FOXP2: variants seen among roughly 807,000 people sequenced by gnomAD.
FOXP2 encodes the protein forkhead box protein P2.
Under a neutral mutation model 115.8 loss-of-function variants are expected in FOXP2, and 12 were observed. The ratio of observed to expected loss-of-function variants is 0.10; its 90% CI spans 0.07 to 0.17. FOXP2 has a LOEUF of 0.17. FOXP2 is among the 10% of genes least tolerant of loss of function. The pLI, the probability that FOXP2 is intolerant of heterozygous loss-of-function variation, is 1.00. For missense variants in FOXP2, 629 were observed against 843.5 expected, an observed-to-expected ratio of 0.75 and a Z score of 3.15; for synonymous variants, 328 against 297.7, an observed-to-expected ratio of 1.10 and a Z score of -1.05.
chr7:114,210,241 A>G (rs933666354), intron 1 of FOXP2, among the ~76,000 whole-genome samples: 2 of 152,076 alleles, frequency 1.3e-5, no homozygotes, highest in Non-Finnish European at 2.9e-5. Context: ...GTGTTTTTGC[A>G]TCGATTCTTT....
At chr7:114,495,083 A>G (rs904986807) in intron 2 of FOXP2, among the ~76,000 whole-genome samples, 1 of 152,198 alleles carries the variant, frequency 6.6e-6, no homozygotes, top group South Asian at 2.1e-4. Flanking sequence ...GAAAGTTTTC[A>G]TTTCTTACTT....
At chr7:114,245,458 T>C (rs1795257910) in intron 1 of FOXP2, among the ~76,000 whole-genome samples, 1 of 152,218 alleles carries the variant, frequency 6.6e-6, no homozygotes, top group African/African-American at 2.4e-5. Context: ...CCTCACATAC[T>C]TTCACAAAAC....
chr7:114,140,919 A>G lies in FOXP2; in HGVS notation c.-246-22025A>G, dbSNP rs969931595. Among the ~76,000 whole-genome samples the G allele has an allele frequency of 1.4e-4, 22 of 152,166 alleles. 1 individual carries two copies. The highest frequency in any genetic ancestry group is 1.2e-3 in the Admixed American group (18 of 15,282). On this transcript the variant is annotated intron_variant, in intron 1 of 19. Transcript: ENST00000635638. ...TTTCAACCAGATGTACCTTGTTCCT[A>G]CATCAACTTGTGTAAGACTTTGCAA... is the stretch of plus-strand genomic sequence containing the variant.
Position 114,689,831 on chromosome 7 carries a change from T to G in FOXP2, c.2053T>G (p.Cys685Gly). ...EEPVIAEDED[C>G]PMSLVTTANH... Reference sequence around the variant, plus strand: ...GCCAGTGATTGCAGAGGATGAAGACTGCCCAATGTCCTTAGTGACAACAGC... The same window carrying G: ...GCCAGTGATTGCAGAGGATGAAGACGGCCCAATGTCCTTAGTGACAACAGC... Residue 685 changes from cysteine (C) to glycine (G), a missense_variant, in exon 17 of 17, where the codon TGC becomes GGC. This residue lies in a region of FOXP2 where 117 missense variants were observed against 112.3 expected (regional missense o/e 1.04). Coordinates refer to ENST00000350908, the MANE Select transcript of FOXP2 (RefSeq NM_014491.4). The G allele has an allele frequency of 6.2e-7, 1 of 1,613,560 alleles. No homozygotes were observed. Among genetic ancestry groups the G allele is most frequent in the Non-Finnish European group, 8.5e-7 (1 of 1,179,602 alleles).
intron 1 of FOXP2, among the ~76,000 whole-genome samples, chr7:114,122,484 A>G (rs1791593135): frequency 1.3e-5 from 2 of 148,658 alleles, no homozygotes; most frequent in South Asian, 4.3e-4. Context: ...ACTGCGTAGG[A>G]TAGATACTGT....
At position 114,236,374 on chromosome 7, in the gene FOXP2, A is replaced by T. The variant is rs111431481; in HGVS notation, c.-101-51645A>T. Among the ~76,000 whole-genome samples, 838 of 152,246 alleles carry T rather than the reference A, an allele frequency of 5.5e-3. 9 individuals are homozygous for T. Among genetic ancestry groups the T allele is most frequent in the African/African-American group, 0.018 (762 of 41,566 alleles). On this transcript the variant is annotated intron_variant, in intron 1 of 17. Transcript: ENST00000634411. ...ATTCATTTATAATAGTGGATGGAGG[A>T]TTATCTTAATTCTAAACATATAAAG...
chr7:114,183,974 A>T (rs1489489595), intron 1 of FOXP2, among the ~76,000 whole-genome samples: 3 of 152,152 alleles, frequency 2.0e-5, no homozygotes, highest in African/African-American at 7.2e-5. Flanking sequence ...TGAATATTGG[A>T]ATTAACTGTT....
chr7:114,287,845 G>C (rs1045493409), intron 1 of FOXP2, among the ~76,000 whole-genome samples: 1 of 151,812 alleles, frequency 6.6e-6, no homozygotes, highest in Non-Finnish European at 1.5e-5. Context: ...TTAAAATGTA[G>C]AAAAAGCATT....
At chr7:114,128,592 G>A (rs373686109) in intron 1 of FOXP2, among the ~76,000 whole-genome samples, 15 of 151,632 alleles carry the variant, frequency 9.9e-5, no homozygotes, top group African/African-American at 3.6e-4. Context: ...TAACTCACTA[G>A]TCTGGGATCA....
chr7:114,512,275 C>T (rs1245892456), intron 2 of FOXP2, among the ~76,000 whole-genome samples: 1 of 152,202 alleles, frequency 6.6e-6, no homozygotes, highest in Non-Finnish European at 1.5e-5. Flanking sequence ...AACAGGCAGT[C>T]CCTCATTTCT....
chr7:114,142,160 T>C (rs561353213), intron 1 of FOXP2, among the ~76,000 whole-genome samples: 1 of 152,174 alleles, frequency 6.6e-6, no homozygotes, highest in Non-Finnish European at 1.5e-5. Context: ...GTAGCTGGGA[T>C]TACAGGTGCC....
chr7:114,595,391 A>T (rs542848070), intron 3 of FOXP2, among the ~76,000 whole-genome samples: 2 of 152,186 alleles, frequency 1.3e-5, no homozygotes, highest in African/African-American at 4.8e-5. Flanking sequence ...CTCCAATAAA[A>T]TAGTATCTGT....
chr7:114,454,316 G>C, intron 2 of FOXP2, among the ~76,000 whole-genome samples: 1 of 152,126 alleles, frequency 6.6e-6, no homozygotes, highest in Non-Finnish European at 1.5e-5. Flanking sequence ...AAACCACTGT[G>C]AGATACCATC....
At chr7:114,202,681 A>C (rs2129159899) in intron 1 of FOXP2, among the ~76,000 whole-genome samples, 1 of 152,318 alleles carries the variant, frequency 6.6e-6, no homozygotes, top group East Asian at 1.9e-4. Context: ...GGTTTAAATC[A>C]TGCCTTTGTG....
chr7:114,254,255 T>C (rs1431797939), intron 1 of FOXP2, among the ~76,000 whole-genome samples: 1 of 152,198 alleles, frequency 6.6e-6, no homozygotes, highest in Non-Finnish European at 1.5e-5. Context: ...CTTTGGTGAA[T>C]CTGACAATTA....
intron 1 of FOXP2, among the ~76,000 whole-genome samples, chr7:114,132,133 CAT>C (rs2129145388): frequency 6.6e-6 from 1 of 152,280 alleles, no homozygotes; most frequent in Admixed American, 6.5e-5. Flanking sequence ...CCTACTAAAA[CAT>C]ATTAAAATCA....
At chr7:114,405,807 T>C (rs1322987608) in intron 2 of FOXP2, among the ~76,000 whole-genome samples, 1 of 151,930 alleles carries the variant, frequency 6.6e-6, no homozygotes, top group Admixed American at 6.6e-5. Flanking sequence ...TCTGGTATGA[T>C]ATTTCTGGAT....
At chr7:114,492,934 G>A (rs916192406) in intron 2 of FOXP2, among the ~76,000 whole-genome samples, 1 of 152,160 alleles carries the variant, frequency 6.6e-6, no homozygotes, top group Non-Finnish European at 1.5e-5. Flanking sequence ...AAGTCCGCTT[G>A]GTGCAGAGCT....
intron 1 of FOXP2, among the ~76,000 whole-genome samples, chr7:114,260,142 C>T (rs947194050): frequency 2.6e-5 from 4 of 151,382 alleles, no homozygotes; most frequent in Admixed American, 1.3e-4. Context: ...CCACCTGTGT[C>T]GGCCTCCCAA....
Sources: gnomAD v4.1 joint callset for allele counts (sites outside exome capture counted in the v4.1 genomes callset) on GRCh38, gnomAD v4.1.1 for gene constraint, gnomAD v4.1.1 regional missense constraint, MANE v1.5 for transcripts, NCBI Gene and HGNC (gene_info 2026-07-23, HGNC 2026-07-21) for gene names.